The following CMTR2 variants were observed in gnomAD, a reference collection of about 807,000 sequenced individuals.
CMTR2 encodes the protein cap methyltransferase 2.
Under a neutral mutation model 49.8 loss-of-function variants are expected in CMTR2, and 40 were observed. The observed-to-expected ratio is 0.80, with a 90% CI of 0.62 to 1.04. The LOEUF is 1.04. Ranked by LOEUF, CMTR2 falls within the 50% of genes least tolerant of loss-of-function variation. The pLI is 0.00. For synonymous variants in CMTR2, 326 were observed against 315.8 expected (o/e 1.03, Z -0.34); for missense variants, 907 against 897.2 (o/e 1.01, Z -0.14).
In CMTR2 at chr16:71,285,319, T is replaced by C. The variant is rs750494888; in HGVS notation, c.602A>G (p.Tyr201Cys). 7 of 1,614,150 alleles carry C rather than the reference T, an allele frequency of 4.3e-6. No individual in the cohort carries two copies. The highest frequency in any genetic ancestry group is 2.7e-5 in the African/African-American group (2 of 75,048). ...RLIANTLHWW[Y>C]FGPDNTGDIM... ...ATCACCAGTGTTATCTGGACCAAAG[T>C]ACCACCAGTGCAAGGTATTTGCAAT... The change falls in exon 3 of 3, where the codon TAC becomes TGC. Residue 201 changes from tyrosine to cysteine, a missense_variant. Physicochemically the swap from Tyr to Cys is radical, Grantham distance 194. Transcript: ENST00000434935.
At chr16:71,289,557 C>T (rs1402765562), upstream of CMTR2, 5 of 152,110 alleles carry the variant, frequency 3.3e-5, no homozygotes, top group Admixed American at 3.3e-4. Context: ...CGCCCCCGGC[C>T]ACTATGGCAA....
rs1302356704 is a variant in CMTR2, at chr16:71,282,694, A to G, written c.*914T>C. The G allele has an allele frequency of 1.3e-5, 2 of 152,182 alleles. No individual in the cohort carries two copies. The highest frequency in any genetic ancestry group is 2.9e-5 in the Non-Finnish European group (2 of 67,974). 9.4% of individuals were successfully genotyped at this position (152,182 alleles called of 1,614,324 possible). ...TAAAAATTTTAAATTCTGAACCATC[A>G]TTCTGAAAGTCTGAAGCGTTTTCTT... On this transcript the variant is annotated 3_prime_UTR_variant, in exon 3 of 3. Coordinates refer to ENST00000434935, the MANE Select transcript of CMTR2 (RefSeq NM_018348.6).
rs1017091511 is a variant in CMTR2, at chr16:71,283,259, C to T, written c.*349G>A. 1 of 185,098 alleles carries T rather than the reference C, an allele frequency of 5.4e-6. No homozygotes were observed. Among genetic ancestry groups the T allele is most frequent in the African/African-American group, 2.3e-5 (1 of 42,666 alleles). The allele number at this position is 185,098 out of a possible 1,614,324, so 11.5% of individuals were successfully genotyped here. ...GAGGAAATCGGCTGGAAAAAAAAAA[C>T]TAATCTGAACAAAGGTACACAGATG... On this transcript the variant is annotated 3_prime_UTR_variant, in exon 3 of 3. Coordinates refer to ENST00000434935, the MANE Select transcript of CMTR2 (RefSeq NM_018348.6).
At chr16:71,286,850 C>T (rs1171641241) in intron 2 of CMTR2, 1 of 152,022 alleles carries the variant, frequency 6.6e-6, no homozygotes, top group African/African-American at 2.4e-5. Context: ...GAATTTTATA[C>T]TGAAGAAATA....
In CMTR2 at chr16:71,285,276, G is replaced by A; in HGVS notation, c.645C>T (p.Phe215=). ...TTATGAAATTCTGAAGTCCAGTCAA[G>A]AATTTCAGGGTCATGATATCACCAG... ...DNTGDIMTLK[F]LTGLQNFISS... Residue 215 remains phenylalanine, a synonymous_variant, in exon 3 of 3, where the codon TTC becomes TTT. Coordinates refer to ENST00000434935, the MANE Select transcript of CMTR2 (RefSeq NM_018348.6). The A allele has an allele frequency of 1.2e-6, 2 of 1,614,138 alleles. No individual in the cohort carries two copies. The highest frequency in any genetic ancestry group is 1.7e-6 in the Non-Finnish European group (2 of 1,179,986).
rs751718837 is a variant in CMTR2, at chr16:71,285,154, T to G, written c.767A>C (p.Tyr256Ser). 2.5e-6 allele frequency: 4 copies of G among 1,614,152 alleles called. No homozygotes were observed. Among genetic ancestry groups the G allele is most frequent in the Non-Finnish European group, 3.4e-6 (4 of 1,179,974 alleles). ...EQEALVSSLH[Y>S]CEVVTALTTL... ...GGTCAGAGCAGTGACAACTTCACAG[T>G]AATGCAAAGAAGAAACTAAAGCTTC... Residue 256 changes from tyrosine to serine, a missense_variant, in exon 3 of 3, where the codon TAC becomes TCC. By Grantham distance (144) the Tyr-to-Ser change is moderately radical. Transcript: ENST00000434935.
At position 71,284,348 on chromosome 16, in the gene CMTR2, T is replaced by A. The variant is rs1204261827; in HGVS notation, c.1573A>T (p.Lys525Ter). Residue 525 changes from lysine (K) to a stop codon, truncating the protein, a stop_gained, in exon 3 of 3, where the codon AAG becomes TAG. Transcript: ENST00000434935. LOFTEE classifies it high-confidence loss of function. ...ILKTLNEAIE[K>*]SLGGAFNLDS... The stretch of plus-strand genomic sequence containing the variant: ...AAATTAAAAGCTCCTCCTAATGACT[T>A]TTCAATTGCTTCATTAAGAGTTTTT... 2 of 1,613,500 alleles carry A rather than the reference T, an allele frequency of 1.2e-6. No homozygotes were observed. Among genetic ancestry groups the A allele is most frequent in the Admixed American group, 3.3e-5 (2 of 59,898 alleles).
chr16:71,284,063 G>C lies in CMTR2; in HGVS notation c.1858C>G (p.Pro620Ala). The change falls in exon 3 of 3, where the codon CCA (proline) becomes GCA (alanine). Residue 620 changes from proline (P) to alanine (A), a missense_variant. Coordinates refer to ENST00000434935, the MANE Select transcript of CMTR2 (RefSeq NM_018348.6). ...FSCSLLHDGD[P>A]TYQRLFLDCL... ...TCCAAAAATAAACGCTGGTAAGTTG[G>C]ATCTCCATCATGAAGCAATGAACAG... is the stretch of plus-strand genomic sequence containing the variant. 6.2e-7 allele frequency: 1 copy of C among 1,614,034 alleles called. No homozygotes were observed. The highest frequency in any genetic ancestry group is 8.5e-7 in the Non-Finnish European group (1 of 1,179,952).
rs1203055773 is a variant in CMTR2 at position 71,284,913 on chromosome 16, A to C, written c.1008T>G (p.Asn336Lys). 7 of 1,614,126 alleles carry C rather than the reference A, an allele frequency of 4.3e-6. No individual in the cohort carries two copies. Among genetic ancestry groups the C allele is most frequent in the Middle Eastern group, 1.7e-4 (1 of 6,060 alleles). ...IHPLLSKMTL[N>K]FGTEMKRKAL... ...CTTTCCTTTTCATTTCAGTCCCAAA[A>C]TTCAAGGTCATCTTAGATAACAGAG... is the stretch of plus-strand genomic sequence containing the variant. The change falls in exon 3 of 3, where the codon AAT becomes AAG. Residue 336 changes from asparagine (N) to lysine (K), a missense_variant. Asn to Lys is a moderately conservative substitution (Grantham distance 94). Coordinates refer to ENST00000434935, the MANE Select transcript of CMTR2 (RefSeq NM_018348.6).
intron 2 of CMTR2, chr16:71,287,923 A>G (rs950167759): frequency 6.6e-6 from 1 of 152,084 alleles, no homozygotes; most frequent in Non-Finnish European, 1.5e-5. Flanking sequence ...TCTCATCTAT[A>G]CTCTATTTCG....
chr16:71,285,810 G>C lies in CMTR2; in HGVS notation c.111C>G (p.Gly37=). ...ACTGCCACTCATTATTAAGTGGCTTGCCATAAGAAAAGTTCTTGGCAAAGA... is the reference window on the plus strand; with the variant it reads ...ACTGCCACTCATTATTAAGTGGCTTCCCATAAGAAAAGTTCTTGGCAAAGA... The part of the protein sequence containing the change: ...FELFAKNFSY[G]KPLNNEWQLP... The change falls in exon 3 of 3, where the codon GGC becomes GGG. Residue 37 remains glycine, a synonymous_variant. Transcript: ENST00000434935. The C allele has an allele frequency of 1.2e-6, 2 of 1,614,020 alleles. No individual in the cohort carries two copies. Among genetic ancestry groups the C allele is most frequent in the South Asian group, 2.2e-5 (2 of 91,058 alleles).
At position 71,285,653 on chromosome 16, in the gene CMTR2, C is replaced by T. The variant is rs912645448; in HGVS notation, c.268G>A (p.Ala90Thr). 8 of 1,614,012 alleles carry T rather than the reference C, an allele frequency of 5.0e-6. No individual in the cohort carries two copies. The highest frequency in any genetic ancestry group is 5.1e-6 in the Non-Finnish European group (6 of 1,179,950). The change falls in exon 3 of 3, where the codon GCT becomes ACT. Residue 90 changes from alanine to threonine, a missense_variant. Transcript: ENST00000434935. The stretch of plus-strand genomic sequence containing the variant: ...ATTTTCCCCGCTTTATTAGTGAAAG[C>T]AGTGTGCTCATGCCACTCATCCAGT... ...KKLDEWHEHT[A>T]FTNKAGKIIS...
At chr16:71,289,637 G>T (rs2144869747), upstream of CMTR2, 1 of 150,878 alleles carries the variant, frequency 6.6e-6, no homozygotes, top group African/African-American at 2.4e-5. Flanking sequence ...GAGAGGGACA[G>T]GGAGGCGAAG....
chr16:71,284,109 T>C lies in CMTR2; in HGVS notation c.1812A>G (p.Ser604=), dbSNP rs778909409. ...AACAGCTAAAAGTTGTGAGTTCAGCTGATTCTAGGAGTCGAACTTCCAACG... is the reference window on the plus strand; with the variant it reads ...AACAGCTAAAAGTTGTGAGTTCAGCCGATTCTAGGAGTCGAACTTCCAACG... The part of the protein sequence containing the change: ...HIPLEVRLLE[S]AELTTFSCSL... Residue 604 remains serine (S), a synonymous_variant, in exon 3 of 3, where the codon TCA becomes TCG. Transcript: ENST00000434935. 6.2e-7 allele frequency: 1 copy of C among 1,613,942 alleles called. No individual in the cohort carries two copies. The highest frequency in any genetic ancestry group is 1.3e-5 in the African/African-American group (1 of 74,928).
chr16:71,283,308 G>C lies in CMTR2; in HGVS notation c.*300C>G. 3.3e-6 allele frequency: 1 copy of C among 306,652 alleles called. No individual in the cohort carries two copies. The highest frequency in any genetic ancestry group is 6.0e-6 in the Non-Finnish European group (1 of 167,026). The allele number at this position is 306,652 out of a possible 1,614,324, so 19.0% of individuals were successfully genotyped here. A position where few individuals can be genotyped will look rare whatever the true frequency, so the allele number is the denominator to read the frequency against. ...TGCAAATCTTAAGCAGATTAAGTAA[G>C]ACCAACTAAATGGCATAGGTAAGCA... On this transcript the variant is annotated 3_prime_UTR_variant, in exon 3 of 3. Transcript: ENST00000434935.
At position 71,284,567 on chromosome 16, in the gene CMTR2, C is replaced by A; in HGVS notation, c.1354G>T (p.Ala452Ser). The change falls in exon 3 of 3, where the codon GCC becomes TCC. Residue 452 changes from alanine (A) to serine (S), a missense_variant. By Grantham distance (99) the Ala-to-Ser change is moderately conservative. Transcript: ENST00000434935. Reference sequence around the variant, plus strand: ...GCTACTTTATCTTTCCATGAAAGGGCTTCTAGCATCTTCCTTTCATTATAA... The same window carrying A: ...GCTACTTTATCTTTCCATGAAAGGGATTCTAGCATCTTCCTTTCATTATAA... ...KTYNERKMLE[A>S]LSWKDKVAKG... The A allele has an allele frequency of 6.2e-7, 1 of 1,613,772 alleles. No individual in the cohort carries two copies.
rs2041634672 is a variant in CMTR2, at chr16:71,282,940, T to C, written c.*668A>G. 1 of 152,632 alleles carries C rather than the reference T, an allele frequency of 6.6e-6. No homozygotes were observed. The highest frequency in any genetic ancestry group is 1.5e-5 in the Non-Finnish European group (1 of 68,028). The allele number at this position is 152,632 out of a possible 1,614,324, so 9.5% of individuals were successfully genotyped here. A position where few individuals can be genotyped will look rare whatever the true frequency, so the allele number is the denominator to read the frequency against. ...TCTTTGGTTTAAAGCTGTCCCGTTA[T>C]ATTTTTATAGTTGGATGGTGTGGTC... On this transcript the variant is annotated 3_prime_UTR_variant, in exon 3 of 3. Coordinates refer to ENST00000434935, the MANE Select transcript of CMTR2 (RefSeq NM_018348.6).
At position 71,283,955 on chromosome 16, in the gene CMTR2, C is replaced by T. The variant is rs1238996614; in HGVS notation, c.1966G>A (p.Ala656Thr). 6.2e-7 allele frequency: 1 copy of T among 1,613,964 alleles called. No homozygotes were observed. ...CTGTGGAGTACAAAGATCAAACCAG[C>T]CATAAATCTTGTGAAGCAAGAAAGT... The part of the protein sequence containing the change: ...PVLSCFTRFM[A>T]GLIFVLHSCF... Residue 656 changes from alanine (A) to threonine (T), a missense_variant, in exon 3 of 3, where the codon GCT (alanine) becomes ACT (threonine). Transcript: ENST00000434935.
intron 2 of CMTR2, chr16:71,287,255 A>G (rs969766385): frequency 6.6e-6 from 1 of 152,184 alleles, no homozygotes; most frequent in Non-Finnish European, 1.5e-5. Context: ...AATACATACA[A>G]TAATATTCAG....
Sources: gnomAD v4.1 joint callset for allele counts on GRCh38, gnomAD v4.1.1 for gene constraint, MANE v1.5 for transcripts, NCBI Gene and HGNC (gene_info 2026-07-23, HGNC 2026-07-21) for gene names.